Variants in NBPF10 observed in about 807,000 individuals in gnomAD.
NBPF10 encodes NBPF member 10.
A neutral mutation model predicts 77.9 loss-of-function variants in NBPF10; 63 were observed. The ratio of observed to expected loss-of-function variants is 0.81; its 90% CI spans 0.66 to 1.00. The LOEUF is 1.00. NBPF10 is among the 50% of genes least tolerant of loss of function. The probability of loss-of-function intolerance (pLI) is 0.00; values close to 1 mark genes in which losing one functional copy is unlikely to be tolerated. For synonymous variants in NBPF10, 146 were observed against 264.5 expected, an observed-to-expected ratio of 0.55 and a Z score of 4.35; for missense variants, 522 against 679.8, an observed-to-expected ratio of 0.77 and a Z score of 2.58.
intron 88 of NBPF10, among the ~76,000 whole-genome samples, 199 bp from the exon 89 acceptor site, chr1:146,067,487 T>C (rs1412322503): frequency 7.0e-6 from 1 of 142,866 alleles, no homozygotes; most frequent in Non-Finnish European, 1.5e-5. Flanking sequence ...GTGGGTAAAA[T>C]GTCCCTATTC....
intron 14 of NBPF10, among the ~76,000 whole-genome samples, chr1:146,126,007 T>C (rs1417873928): frequency 4.0e-5 from 6 of 151,688 alleles, no homozygotes; most frequent in Non-Finnish European, 5.9e-5. Flanking sequence ...GAGAGTAGGA[T>C]TATGGTGCCA....
Position 146,141,500 on chromosome 1 carries a change from T to C in NBPF10, c.493+104A>G, listed in dbSNP as rs1553797317. On this transcript the variant is annotated intron_variant, in intron 3 of 89. Coordinates refer to ENST00000583866, the Ensembl canonical transcript of NBPF10. ...TCATGTCATGGCCACATAGGTGTAG[T>C]AGAAAAAAACCCCACTGATACAACT... The C allele has an allele frequency of 7.5e-5, 44 of 587,046 alleles. 5 individuals are homozygous for C. The highest frequency in any genetic ancestry group is 2.9e-4 in the East Asian group (8 of 27,216). The allele number at this position is 587,046 out of a possible 1,614,324, so 36.4% of individuals were successfully genotyped here. A position where few individuals can be genotyped will look rare whatever the true frequency, so the allele number is the denominator to read the frequency against.
Position 146,126,507 on chromosome 1 carries a change from G to T in NBPF10, c.1854-99C>A, listed in dbSNP as rs1658685449. On this transcript the variant is annotated intron_variant, in intron 13 of 89. Coordinates refer to ENST00000583866, the Ensembl canonical transcript of NBPF10. ...GCTAACATAAGGAAGAGTTTGAAAA[G>T]AAAAAGGACAGATCCATTAATGAGG... 1.1e-5 allele frequency: 8 copies of T among 715,106 alleles called. No individual in the cohort carries two copies. In the South Asian group the frequency reaches 1.2e-4, roughly 11 times the overall value. 44.3% of individuals were successfully genotyped at this position (715,106 alleles called of 1,614,324 possible). A position where few individuals can be genotyped will look rare whatever the true frequency, so the allele number is the denominator to read the frequency against.
intron 11 of NBPF10, among the ~76,000 whole-genome samples, chr1:146,129,715 A>C (rs1659091875): frequency 1.5e-5 from 1 of 67,030 alleles, no homozygotes; most frequent in South Asian, 4.6e-4. Flanking sequence ...GTTGAAATGA[A>C]GGAAAAAATG....
At position 146,069,618 on chromosome 1, in the gene NBPF10, C is replaced by T. The variant is rs587609631; in HGVS notation, c.10735G>A (p.Asp3579Asn). The T allele has an allele frequency of 2.3e-5, 36 of 1,570,438 alleles. No homozygotes were observed. The African/African-American group carries it at 4.7e-4, about 20-fold the overall frequency. ...GCACTTCTGTAGGGCTGGCATGAGT[C>T]ACACAGTTCAAGACAACCTGAAGGA... is the stretch of plus-strand genomic sequence containing the variant. Residue 3579 changes from aspartate (D) to asparagine (N), a missense_variant, in exon 86 of 90, where the codon GAC becomes AAC. By Grantham distance (23) the Asp-to-Asn change is conservative. Coordinates refer to ENST00000583866, the Ensembl canonical transcript of NBPF10.
intron 2 of NBPF10, among the ~76,000 whole-genome samples, chr1:146,142,173 G>C (rs3872118): frequency 7.5e-4 from 88 of 117,052 alleles, no homozygotes; most frequent in Admixed American, 1.2e-3. Flanking sequence ...GCGGCCACTA[G>C]ATACAAAGCC....
At chr1:146,143,300 G>A (rs1660485905) in intron 1 of NBPF10, among the ~76,000 whole-genome samples, 1 of 145,210 alleles carries the variant, frequency 6.9e-6, no homozygotes, top group South Asian at 2.3e-4. Context: ...GGCCATGAAG[G>A]AAATATGCCC....
intron 11 of NBPF10, among the ~76,000 whole-genome samples, chr1:146,129,339 G>A (rs1488196764): frequency 6.8e-6 from 1 of 146,244 alleles, no homozygotes; most frequent in Non-Finnish European, 1.5e-5. Context: ...CGAGAACTAC[G>A]TGATGCATGC....
At position 146,126,747 on chromosome 1, in the gene NBPF10, C is replaced by T. The variant is rs587749080; in HGVS notation, c.1853+281G>A. On this transcript the variant is annotated intron_variant, in intron 13 of 89. Coordinates refer to ENST00000583866, the Ensembl canonical transcript of NBPF10. ...ACAGTGATCATGAAAAGCATGTCCT[C>T]AATAATTTTGCATAAAATGTGCTCA... Among the ~76,000 whole-genome samples, 9 of 143,898 alleles carry T rather than the reference C, an allele frequency of 6.3e-5. No homozygotes were observed. The East Asian group carries it at 1.8e-3, about 29-fold the overall frequency. 94.4% of individuals were successfully genotyped at this position (143,898 alleles called of 152,430 possible).
intron 35 of NBPF10, among the ~76,000 whole-genome samples, chr1:146,109,337 CACACACACAGAG>C (rs1657352613): frequency 9.6e-6 from 1 of 104,630 alleles, no homozygotes; most frequent in Admixed American, 1.1e-4. Flanking sequence ...CACACACACA[CACACACACAGAG>C]AGAGAGAGAG....
intron 13 of NBPF10, 34 bp from the exon 14 acceptor site, chr1:146,126,442 G>C (rs1415627887): frequency 5.5e-6 from 5 of 906,934 alleles, no homozygotes; most frequent in Non-Finnish European, 9.2e-6. Context: ...GAATAAGCCA[G>C]GGGGAATCAG....
intron 5 of NBPF10, among the ~76,000 whole-genome samples, chr1:146,139,149 G>A (rs1660019284): frequency 7.1e-6 from 1 of 141,236 alleles, no homozygotes; most frequent in Admixed American, 7.1e-5. Context: ...TCCCAGGCTG[G>A]AGTGCAGTGG....
intron 12 of NBPF10, among the ~76,000 whole-genome samples, chr1:146,127,435 TTGATAGTTTA>T (rs1658855497): frequency 5.2e-5 from 1 of 19,080 alleles, no homozygotes; most frequent in South Asian, 1.8e-3. Context: ...TACCCAGAAT[TTGATAGTTTA>T]TGAGATTGTG....
At chr1:146,129,856 C>T (rs1659109068) in intron 11 of NBPF10, among the ~76,000 whole-genome samples, 1 of 82,528 alleles carries the variant, frequency 1.2e-5, no homozygotes, top group Non-Finnish European at 2.3e-5. Context: ...TTTTTTTTTT[C>T]CATATGTATA....
At chr1:146,081,030 C>CTGAGAGAG (rs1656266521) in intron 71 of NBPF10, among the ~76,000 whole-genome samples, 7 of 35,472 alleles carry the variant, frequency 2.0e-4, no homozygotes, top group Admixed American at 3.3e-4. Context: ...CACACACACA[C>CTGAGAGAG]AGAGAGAGAG....
At chr1:146,066,683 G>T (rs1394899574) in intron 89 of NBPF10, 122 bp from the exon 90 acceptor site, 16 of 554,418 alleles carry the variant, frequency 2.9e-5, no homozygotes, top group Middle Eastern at 9.6e-4. Flanking sequence ...AACCATTAAT[G>T]AGGTAAAAAA....
In NBPF10 at chr1:146,109,309, TAG is replaced by T. The variant is rs1479144486; in HGVS notation, c.4500-197_4500-196del. 6.3e-3 allele frequency among the ~76,000 whole-genome samples: 553 copies of T among 88,094 alleles called. 1 individual carries two copies. Among genetic ancestry groups the T allele is most frequent in the African/African-American group, 0.021 (525 of 24,844 alleles). The allele number at this position is 88,094 out of a possible 152,430, so 57.8% of individuals were successfully genotyped here. On this transcript the variant is annotated intron_variant, in intron 35 of 89. Transcript: ENST00000583866. ...GAAAAGAATGAAAGAGAAAGACAGA[TAG>T]ACACACACACACACACACACACACA...
chr1:146,126,593 A>G (rs587774750), intron 13 of NBPF10, among the ~76,000 whole-genome samples, 185 bp from the exon 14 acceptor site: 1 of 89,358 alleles, frequency 1.1e-5, no homozygotes, highest in East Asian at 3.2e-4. Context: ...GATGAACGAG[A>G]AAGACACACA....
intron 14 of NBPF10, 146 bp downstream of exon 14, chr1:146,126,090 T>G: frequency 1.5e-6 from 1 of 646,516 alleles, no homozygotes; most frequent in Non-Finnish European, 2.8e-6. Context: ...CAAGTGGAAC[T>G]AGAGTTTCAT....
Sources: gnomAD v4.1 joint callset for allele counts (sites outside exome capture counted in the v4.1 genomes callset) on GRCh38, gnomAD v4.1.1 for gene constraint, MANE v1.5 for transcripts, NCBI Gene and HGNC (gene_info 2026-07-23, HGNC 2026-07-21) for gene names.